FHIP2A: variants seen among roughly 807,000 people sequenced by gnomAD.
The protein encoded by FHIP2A is FHF complex subunit HOOK interacting protein 2A, also known as family with sequence similarity 160 member B1.
In FHIP2A, 46 loss-of-function variants were observed where a neutral mutation model predicts 93.5. The observed-to-expected ratio is 0.49, with a 90% CI of 0.39 to 0.63. The LOEUF is 0.63. Ranked by LOEUF, FHIP2A falls within the 20% of genes least tolerant of loss-of-function variation. FHIP2A has a pLI of 0.00. For synonymous variants in FHIP2A, 332 were observed against 326.5 expected (o/e 1.02, Z -0.18); for missense variants, 769 against 909.7 (o/e 0.85, Z 1.99).
At chr10:114,838,199 G>C (rs917778831) in intron 5 of FHIP2A, among the ~76,000 whole-genome samples, 1 of 152,100 alleles carries the variant, frequency 6.6e-6, no homozygotes, top group Admixed American at 6.5e-5. Context: ...TGTTTGTTTT[G>C]TTATTTTTAA....
intron 16 of FHIP2A, among the ~76,000 whole-genome samples, chr10:114,888,402 G>A (rs1490431955): frequency 6.6e-6 from 1 of 152,108 alleles, no homozygotes; most frequent in African/African-American, 2.4e-5. Context: ...AGGATGATCA[G>A]GAATTATCCA....
At chr10:114,833,903 G>C (rs2083622551) in intron 3 of FHIP2A, among the ~76,000 whole-genome samples, 1 of 152,094 alleles carries the variant, frequency 6.6e-6, no homozygotes, top group Non-Finnish European at 1.5e-5. Flanking sequence ...TACTTATAGA[G>C]ACAAGTTTTC....
In FHIP2A at chr10:114,857,314, C is replaced by CTTTTTTTTTTTTTTTTTT. The variant is rs78583275; in HGVS notation, c.1947+1986_1947+1987insTTTTTTTTTTTTTTTTTT. ...TTTCTTTCTCTCCCTATTTCTTCTT[C>CTTTTTTTTTTTTTTTTTT]TTTTTTTTTTTTCTGAGACCGAGTC... is the stretch of plus-strand genomic sequence containing the variant. On this transcript the variant is annotated intron_variant, in intron 14 of 16. Coordinates refer to ENST00000369248, the MANE Select transcript of FHIP2A (RefSeq NM_020940.4). 6.7e-3 allele frequency among the ~76,000 whole-genome samples: 808 copies of CTTTTTTTTTTTTTTTTTT among 120,436 alleles called. 72 individuals carry two copies. Among genetic ancestry groups the CTTTTTTTTTTTTTTTTTT allele is most frequent in the African/African-American group, 0.012 (403 of 33,646 alleles). 79.0% of individuals were successfully genotyped at this position (120,436 alleles called of 152,430 possible).
At chr10:114,889,955 A>G (rs1489781864) in intron 16 of FHIP2A, among the ~76,000 whole-genome samples, 1 of 152,140 alleles carries the variant, frequency 6.6e-6, no homozygotes, top group African/African-American at 2.4e-5. Flanking sequence ...TCCCGGAGCC[A>G]ACCCCACAGT....
intron 7 of FHIP2A, among the ~76,000 whole-genome samples, chr10:114,844,611 A>G (rs1405352518): frequency 6.6e-6 from 1 of 152,176 alleles, no homozygotes; most frequent in Non-Finnish European, 1.5e-5. Context: ...TAGGGCAGGA[A>G]GAGAAGTAGT....
At chr10:114,884,996 A>G (rs988481743) in intron 16 of FHIP2A, among the ~76,000 whole-genome samples, 11 of 151,988 alleles carry the variant, frequency 7.2e-5, no homozygotes, top group African/African-American at 2.4e-4. Context: ...ATTAGCTGCC[A>G]TTATCATCAT....
At chr10:114,856,743 T>C (rs1159215820) in intron 14 of FHIP2A, among the ~76,000 whole-genome samples, 1 of 152,232 alleles carries the variant, frequency 6.6e-6, no homozygotes, top group African/African-American at 2.4e-5. Context: ...TCTGAAATAC[T>C]TAAAATACTT....
intron 1 of FHIP2A, among the ~76,000 whole-genome samples, chr10:114,829,641 G>A (rs10885613): frequency 0.41 from 62,081 of 151,868 alleles, 13,296 homozygotes; most frequent in Non-Finnish European, 0.48. Context: ...CAGTCTCATC[G>A]TGTGACTAAG....
At chr10:114,876,152 G>T (rs1207103441) in intron 16 of FHIP2A, among the ~76,000 whole-genome samples, 1 of 152,136 alleles carries the variant, frequency 6.6e-6, no homozygotes, top group Non-Finnish European at 1.5e-5. Context: ...CCTGTCTGGT[G>T]GCTGGTCATG....
At chr10:114,899,119 C>T (rs534916646) in intron 16 of FHIP2A, among the ~76,000 whole-genome samples, 2 of 152,130 alleles carry the variant, frequency 1.3e-5, no homozygotes, top group East Asian at 1.9e-4. Flanking sequence ...TGCAGCTTCA[C>T]GGGTAAGCCT....
intron 1 of FHIP2A, among the ~76,000 whole-genome samples, chr10:114,829,984 A>C (rs1376363033): frequency 6.6e-6 from 1 of 152,150 alleles, no homozygotes; most frequent in African/African-American, 2.4e-5. Context: ...ATCTTGTTCA[A>C]GTAGTTATTT....
At chr10:114,829,934 T>A (rs2083598468) in intron 1 of FHIP2A, among the ~76,000 whole-genome samples, 1 of 152,230 alleles carries the variant, frequency 6.6e-6, no homozygotes, top group African/African-American at 2.4e-5. Flanking sequence ...AGAGCTAAAA[T>A]GTTGAGCATT....
In FHIP2A at chr10:114,843,139, T is replaced by C; in HGVS notation, c.729T>C (p.Ser243=). 3 of 1,614,048 alleles carry C rather than the reference T, an allele frequency of 1.9e-6. No individual in the cohort carries two copies. Among genetic ancestry groups the C allele is most frequent in the Non-Finnish European group, 2.5e-6 (3 of 1,179,926 alleles). ...DHLSTSLDNL[S]VTSLPEASVV... is the part of the protein sequence containing the mutation. ...TGTCCACAAGCTTGGATAACCTCAG[T>C]GTCACCTCACTGCCAGAGGCCTCGG... The change falls in exon 6 of 17, where the codon AGT becomes AGC. Residue 243 remains serine, a synonymous_variant. Transcript: ENST00000369248.
At position 114,830,890 on chromosome 10, in the gene FHIP2A, T is replaced by C. The variant is rs1438226709; in HGVS notation, c.84T>C (p.Tyr28=). 1.2e-6 allele frequency: 2 copies of C among 1,610,416 alleles called. No individual in the cohort carries two copies. The highest frequency in any genetic ancestry group is 1.7e-6 in the Non-Finnish European group (2 of 1,178,126). The change falls in exon 2 of 17, where the codon TAT becomes TAC. Residue 28 remains tyrosine, a synonymous_variant. Coordinates refer to ENST00000369248, the MANE Select transcript of FHIP2A (RefSeq NM_020940.4). ...TTCCTTTACAAGAAGATTTTGTTTA[T>C]CACTGGAAGGCAATTACCCATTACT... is the stretch of plus-strand genomic sequence containing the variant. The part of the protein sequence containing the change: ...PSLPLQEDFV[Y]HWKAITHYYI...
chr10:114,836,290 A>C (rs952776106), intron 5 of FHIP2A, 44 bp downstream of exon 5: 1 of 1,417,990 alleles, frequency 7.1e-7, no homozygotes, highest in Non-Finnish European at 9.6e-7. Flanking sequence ...AGTTATATTA[A>C]GATCATTATG....
intron 16 of FHIP2A, among the ~76,000 whole-genome samples, chr10:114,876,960 G>A (rs2083892614): frequency 6.7e-6 from 1 of 149,374 alleles, no homozygotes; most frequent in Non-Finnish European, 1.5e-5. Context: ...TAAGTTACCG[G>A]AATAATTCTA....
chr10:114,843,330 G>T (rs1298537989), intron 6 of FHIP2A, 104 bp downstream of exon 6: 49 of 741,266 alleles, frequency 6.6e-5, no homozygotes, highest in Non-Finnish European at 5.5e-5. Context: ...TTTTGAGATG[G>T]AGTCTTGCTG....
At chr10:114,853,219 A>G (rs113339638) in intron 13 of FHIP2A, among the ~76,000 whole-genome samples, 149 of 152,362 alleles carry the variant, frequency 9.8e-4, no homozygotes, top group African/African-American at 3.3e-3. Context: ...ATCAGTAACT[A>G]TTTAGTATTT....
chr10:114,863,326 A>G lies in FHIP2A; in HGVS notation c.*1786A>G, dbSNP rs1264405190. 2.0e-6 allele frequency: 2 copies of G among 979,516 alleles called. No homozygotes were observed. Among genetic ancestry groups the G allele is most frequent in the Non-Finnish European group, 2.4e-6 (2 of 824,196 alleles). 60.7% of individuals were successfully genotyped at this position (979,516 alleles called of 1,614,324 possible). A position where few individuals can be genotyped will look rare whatever the true frequency, so the allele number is the denominator to read the frequency against. ...ATGTAGTAACAGTCTACTTTGATAT[A>G]TGAGTATTTAAACTAAGGCATTAAG... On this transcript the variant is annotated 3_prime_UTR_variant, in exon 17 of 17. Coordinates refer to ENST00000369248, the MANE Select transcript of FHIP2A (RefSeq NM_020940.4).
Sources: allele counts gnomAD v4.1 joint callset (sites outside exome capture counted in the v4.1 genomes callset), GRCh38; gene constraint gnomAD v4.1.1; transcripts MANE v1.5; gene names NCBI Gene and HGNC (gene_info 2026-07-23, HGNC 2026-07-21).